The following TET3 variants were observed in gnomAD, a reference collection of about 807,000 sequenced individuals.
TET3 encodes the protein tet methylcytosine dioxygenase 3.
TET3 carries 19 observed loss-of-function variants against 141.4 expected under a neutral mutation model. The observed-to-expected ratio is 0.13, with a 90% CI of 0.09 to 0.20. The LOEUF is 0.20. Among genes scored for constraint, TET3 ranks in the 10% least tolerant of loss-of-function variants. TET3 has a pLI of 1.00. For missense variants in TET3, 1,874 were observed against 2,356.9 expected (o/e 0.80, Z 4.24); for synonymous variants, 1,043 against 980.9 (o/e 1.06, Z -1.18).
chr2:74,062,132 T>C (rs958975700), intron 4 of TET3, among the ~76,000 whole-genome samples: 4 of 152,170 alleles, frequency 2.6e-5, no homozygotes, highest in Non-Finnish European at 4.4e-5. Context: ...CTGGGCACCA[T>C]TGAGCACTGA....
chr2:74,088,367 C>T (rs1690274413), intron 7 of TET3, among the ~76,000 whole-genome samples: 1 of 152,132 alleles, frequency 6.6e-6, no homozygotes. Context: ...TGCCCTTGGC[C>T]AGGCGTGGTC....
At chr2:74,078,912 G>A (rs1404569143) in intron 5 of TET3, among the ~76,000 whole-genome samples, 3 of 152,142 alleles carry the variant, frequency 2.0e-5, no homozygotes. Context: ...AAATCCTTAG[G>A]ACAGGAGACT....
intron 3 of TET3, among the ~76,000 whole-genome samples, chr2:74,027,786 T>C (rs1686455771): frequency 6.6e-6 from 1 of 152,236 alleles, no homozygotes; most frequent in African/African-American, 2.4e-5. Flanking sequence ...TGTAGGTTAT[T>C]TTCACTTTGG....
intron 2 of TET3, chr2:73,993,237 C>T (rs1017562194): frequency 1.3e-5 from 2 of 152,334 alleles, no homozygotes; most frequent in Non-Finnish European, 1.5e-5. Flanking sequence ...GTGATGGGCA[C>T]CTACCTGGAC....
Position 74,087,140 on chromosome 2 carries a change from A to G in TET3, c.2680-690A>G, listed in dbSNP as rs1311402775. ...GGGGTTCATCCATGTTGTAACATGGATCAGAATTTTGTTTCTCTTTAAGGC... is the reference window on the plus strand; with the variant it reads ...GGGGTTCATCCATGTTGTAACATGGGTCAGAATTTTGTTTCTCTTTAAGGC... On this transcript the variant is annotated intron_variant, in intron 6 of 11. Coordinates refer to ENST00000409262, the MANE Select transcript of TET3 (RefSeq NM_001287491.2). The surrounding 1 kb of genome is among the most constrained non-coding windows in gnomAD (Gnocchi z 4.3). Among the ~76,000 whole-genome samples the G allele has an allele frequency of 6.6e-6, 1 of 152,090 alleles. No individual in the cohort carries two copies. Among genetic ancestry groups the G allele is most frequent in the East Asian group, 1.9e-4 (1 of 5,196 alleles).
At chr2:74,039,310 T>C (rs918892876) in intron 3 of TET3, among the ~76,000 whole-genome samples, 1 of 152,174 alleles carries the variant, frequency 6.6e-6, no homozygotes, top group Non-Finnish European at 1.5e-5. Flanking sequence ...CCTGCTACTT[T>C]CTCCAGCCTC....
chr2:74,129,281 A>G, the TET3 span, among the ~76,000 whole-genome samples: 117 of 117,178 alleles, frequency 1.0e-3, no homozygotes, highest in African/African-American at 3.7e-3. Context: ...GCACCATTGC[A>G]CTCCAGCCTG....
intron 3 of TET3, among the ~76,000 whole-genome samples, chr2:74,028,783 T>C (rs1686516937): frequency 6.6e-6 from 1 of 152,210 alleles, no homozygotes; most frequent in South Asian, 2.1e-4. Context: ...AAAATAAGAA[T>C]GAATTACTAG....
At chr2:74,017,242 T>G (rs1685775479) in intron 3 of TET3, among the ~76,000 whole-genome samples, 1 of 152,158 alleles carries the variant, frequency 6.6e-6, no homozygotes. Flanking sequence ...TGAGCTATTT[T>G]CACACCGCTG....
chr2:73,995,227 T>G (rs536891812), intron 2 of TET3, among the ~76,000 whole-genome samples: 1 of 152,366 alleles, frequency 6.6e-6, no homozygotes, highest in African/African-American at 2.4e-5. Flanking sequence ...CCCAAAGTGC[T>G]GAGATTATAG....
At chr2:74,044,413 T>C (rs1687507208) in intron 3 of TET3, among the ~76,000 whole-genome samples, 1 of 152,228 alleles carries the variant, frequency 6.6e-6, no homozygotes, top group African/African-American at 2.4e-5. Context: ...TTTTTCTGAA[T>C]CATTTGAGAT....
At chr2:73,997,357 A>G (rs538036292) in intron 2 of TET3, among the ~76,000 whole-genome samples, 3 of 152,292 alleles carry the variant, frequency 2.0e-5, no homozygotes, top group Non-Finnish European at 4.4e-5. Context: ...CTGCCGTTTA[A>G]GGTAAGCTCT....
chr2:74,089,080 C>CA (rs34315040), intron 7 of TET3, among the ~76,000 whole-genome samples: 2,014 of 59,684 alleles, frequency 0.034, 42 homozygotes, highest in Middle Eastern at 0.092. Flanking sequence ...GATTCCGTCT[C>CA]AAAAAAAAAA....
At chr2:74,013,029 T>A in intron 3 of TET3, among the ~76,000 whole-genome samples, 1 of 150,920 alleles carries the variant, frequency 6.6e-6, no homozygotes, top group East Asian at 2.0e-4. Context: ...AGAGTCTTGC[T>A]CTATTGCCAG....
the TET3 span, among the ~76,000 whole-genome samples, chr2:74,113,183 G>A: frequency 9.3e-5 from 14 of 150,936 alleles, no homozygotes; most frequent in Admixed American, 2.6e-4. Flanking sequence ...GAGGTAGTTC[G>A]AGACCAGCCT....
In TET3 at chr2:74,046,662, G is replaced by T; in HGVS notation, c.745G>T (p.Gly249Cys). The change falls in exon 4 of 12, where the codon GGC becomes TGC. Residue 249 changes from glycine to cysteine, a missense_variant. Physicochemically the swap from Gly to Cys is radical, Grantham distance 159. This residue lies in a region of TET3 where 366 missense variants were observed against 487.0 expected (regional missense o/e 0.75). Coordinates refer to ENST00000409262, the MANE Select transcript of TET3 (RefSeq NM_001287491.2). This position sits in a 1 kb window ranked among gnomAD's most constrained non-coding sequence, Gnocchi z 4.3. ...PRPGPEGCSA[G>C]SEDLDTLQTA... Reference sequence around the variant, plus strand: ...GCCAGGGCCTGAGGGCTGCTCTGCTGGCAGCGAAGACCTTGACACACTGCA... The same window carrying T: ...GCCAGGGCCTGAGGGCTGCTCTGCTTGCAGCGAAGACCTTGACACACTGCA... 4 of 1,614,058 alleles carry T rather than the reference G, an allele frequency of 2.5e-6. No homozygotes were observed. Among genetic ancestry groups the T allele is most frequent in the Non-Finnish European group, 3.4e-6 (4 of 1,179,892 alleles).
At chr2:74,007,582 G>T (rs1176868661) in intron 3 of TET3, among the ~76,000 whole-genome samples, 1 of 152,136 alleles carries the variant, frequency 6.6e-6, no homozygotes, top group Non-Finnish European at 1.5e-5. Flanking sequence ...ACTGCTTCAG[G>T]GGGCTTCAGT....
chr2:74,035,309 C>G (rs552723527), intron 3 of TET3, among the ~76,000 whole-genome samples: 6 of 137,704 alleles, frequency 4.4e-5, no homozygotes, highest in African/African-American at 1.4e-4. Flanking sequence ...ACTAAAAATA[C>G]AAAAATGAGC....
intron 4 of TET3, among the ~76,000 whole-genome samples, chr2:74,063,904 A>AAAT (rs1553428406): frequency 6.6e-6 from 1 of 151,960 alleles, no homozygotes; most frequent in Non-Finnish European, 1.5e-5. Flanking sequence ...AAAAAAAAAA[A>AAAT]AAAAATAAGT....
Sources: gnomAD v4.1 joint callset for allele counts (sites outside exome capture counted in the v4.1 genomes callset) on GRCh38, gnomAD v4.1.1 for gene constraint, gnomAD v4.1.1 regional missense constraint, Gnocchi (gnomAD v3.1) non-coding constraint, MANE v1.5 for transcripts, NCBI Gene and HGNC (gene_info 2026-07-23, HGNC 2026-07-21) for gene names.